PON2: variants seen among roughly 807,000 people sequenced by gnomAD.
PON2 encodes paraoxonase 2, also known as serum paraoxonase/arylesterase 2.
PON2 carries 27 observed loss-of-function variants against 36.6 expected under a neutral mutation model. That is an observed-to-expected ratio of 0.74 (90% CI 0.54 to 1.02). The LOEUF (loss-of-function observed/expected upper bound fraction) is 1.02, where lower values mean the gene tolerates loss of function less well. Ranked by LOEUF, PON2 falls within the 50% of genes least tolerant of loss-of-function variation. PON2 has a pLI of 0.00. For missense variants in PON2, 363 were observed against 421.1 expected (o/e 0.86, Z 1.21); for synonymous variants, 149 against 156.3 (o/e 0.95, Z 0.35).
chr7:95,409,070 C>T (rs1416044676), intron 6 of PON2, among the ~76,000 whole-genome samples: 2 of 151,896 alleles, frequency 1.3e-5, no homozygotes, highest in Non-Finnish European at 1.5e-5. Flanking sequence ...CCCAGCACTT[C>T]GGGAGGCTGA....
intron 3 of PON2, among the ~76,000 whole-genome samples, chr7:95,413,391 G>C (rs747978136): frequency 2.0e-5 from 3 of 152,170 alleles, no homozygotes; most frequent in Non-Finnish European, 4.4e-5. Context: ...ATTACTGATG[G>C]TTGTGGTGTT....
At chr7:95,420,140 G>A (rs1789159959) in intron 2 of PON2, among the ~76,000 whole-genome samples, 2 of 151,908 alleles carry the variant, frequency 1.3e-5, no homozygotes, top group Admixed American at 1.3e-4. Flanking sequence ...TCTCACAGTG[G>A]TTTTTTGTTT....
chr7:95,409,934 G>C lies in PON2; in HGVS notation c.662C>G (p.Ser221Ter). 6.2e-7 allele frequency: 1 copy of C among 1,613,674 alleles called. No individual in the cohort carries two copies. Among genetic ancestry groups the C allele is most frequent in the South Asian group, 1.1e-5 (1 of 91,058 alleles). Reference sequence around the variant, plus strand: ...AGGTGAAATATTGATCCCATTTGCTGAATCAAATCCTTCTGCTACCACTTT... The same window carrying C: ...AGGTGAAATATTGATCCCATTTGCTCAATCAAATCCTTCTGCTACCACTTT... The part of the protein sequence containing the change: ...EVKVVAEGFD[S>*]ANGINISPDD... The change falls in exon 6 of 9, where the codon TCA (serine) becomes TGA (stop). Residue 221 changes from serine (S) to a stop codon, truncating the protein, a stop_gained. Coordinates refer to ENST00000222572, the MANE Select transcript of PON2 (RefSeq NM_000305.3). LOFTEE classifies it high-confidence loss of function.
chr7:95,429,811 T>C (rs1042220602), intron 1 of PON2, among the ~76,000 whole-genome samples: 3 of 152,186 alleles, frequency 2.0e-5, no homozygotes, highest in Admixed American at 2.0e-4. Flanking sequence ...AAAAACCCTT[T>C]GGAATTCACC....
intron 2 of PON2, among the ~76,000 whole-genome samples, chr7:95,422,950 T>C (rs1197273140): frequency 6.6e-6 from 1 of 152,206 alleles, no homozygotes; most frequent in Non-Finnish European, 1.5e-5. Context: ...GGTTACATTG[T>C]GGCAGAATAG....
intron 2 of PON2, among the ~76,000 whole-genome samples, chr7:95,419,145 T>C (rs968376391): frequency 2.6e-5 from 4 of 152,200 alleles, no homozygotes; most frequent in African/African-American, 4.8e-5. Context: ...TTTAAAAAAT[T>C]ACAGTTTGTT....
intron 1 of PON2, among the ~76,000 whole-genome samples, chr7:95,431,540 C>T (rs548623981): frequency 1.3e-4 from 20 of 152,134 alleles, no homozygotes; most frequent in African/African-American, 4.6e-4. Flanking sequence ...CTGACTCAGC[C>T]TCCCAAGTAG....
intron 6 of PON2, chr7:95,409,532 A>C (rs188542677): frequency 6.6e-6 from 1 of 152,478 alleles, no homozygotes; most frequent in African/African-American, 2.4e-5. Context: ...TTTATTTAAA[A>C]GGAAATACCT....
intron 3 of PON2, chr7:95,412,959 T>C: frequency 5.3e-6 from 1 of 187,784 alleles, no homozygotes; most frequent in Non-Finnish European, 1.1e-5. Context: ...TGTCTATTCC[T>C]GTGCCAATAT....
intron 6 of PON2, chr7:95,409,401 T>A (rs1362686892): frequency 6.6e-6 from 1 of 151,842 alleles, no homozygotes; most frequent in Admixed American, 6.6e-5. Context: ...ATAAGAAGTA[T>A]AAAATATTTT....
At chr7:95,433,271 T>C (rs140825778) in intron 1 of PON2, among the ~76,000 whole-genome samples, 106 of 152,252 alleles carry the variant, frequency 7.0e-4, no homozygotes, top group African/African-American at 2.3e-3. Flanking sequence ...TTTATTTATT[T>C]ATTCATTTTG....
rs1343444923 is a variant in PON2, at chr7:95,434,865, G to A, written c.74+13C>T. ...GGGACCGCCGAGGAGGGGCGCGCGG[G>A]AGTCCCACCTACCTGAGTGCCAGAA... On this transcript the variant is annotated intron_variant, in intron 1 of 8. Coordinates refer to ENST00000222572, the MANE Select transcript of PON2 (RefSeq NM_000305.3). 18 of 1,538,718 alleles carry A rather than the reference G, an allele frequency of 1.2e-5. No homozygotes were observed. The highest frequency in any genetic ancestry group is 2.0e-5 in the Admixed American group (1 of 50,682).
intron 1 of PON2, among the ~76,000 whole-genome samples, chr7:95,428,561 T>G (rs1789366849): frequency 6.6e-6 from 1 of 152,224 alleles, no homozygotes; most frequent in Non-Finnish European, 1.5e-5. Context: ...TGTAGATAGC[T>G]CAAAGTGCCA....
chr7:95,433,241 TTTTG>T (rs996360899), intron 1 of PON2, among the ~76,000 whole-genome samples: 62 of 152,168 alleles, frequency 4.1e-4, no homozygotes, highest in African/African-American at 1.3e-3. Flanking sequence ...CCAACTCAAA[TTTTG>T]TTTTTTATTT....
At position 95,405,557 on chromosome 7, in the gene PON2, C is replaced by T. The variant is rs1276109225; in HGVS notation, c.907-69G>A. On this transcript the variant is annotated intron_variant, in intron 8 of 8. Coordinates refer to ENST00000222572, the MANE Select transcript of PON2 (RefSeq NM_000305.3). ...GCATGTCACTCAATCATCAATAAGC[C>T]CTGTTTTCCACAATGACACACTGAT... 2.7e-6 allele frequency: 4 copies of T among 1,461,100 alleles called. No homozygotes were observed. The East Asian group carries it at 9.1e-5, about 33-fold the overall frequency. The allele number at this position is 1,461,100 out of a possible 1,614,324, so 90.5% of individuals were successfully genotyped here.
At chr7:95,428,527 G>A (rs566523491) in intron 1 of PON2, among the ~76,000 whole-genome samples, 1 of 152,238 alleles carries the variant, frequency 6.6e-6, no homozygotes, top group East Asian at 1.9e-4. Context: ...AGAAATTATA[G>A]ATACTTTTCT....
chr7:95,416,536 A>G (rs1389044160), intron 2 of PON2: 15 of 547,222 alleles, frequency 2.7e-5, no homozygotes, highest in East Asian at 1.6e-4. Context: ...AGTTATCACC[A>G]CATTTCCAGC....
chr7:95,406,312 A>G (rs1809692535), intron 7 of PON2, 65 bp from the exon 8 acceptor site: 1 of 1,535,492 alleles, frequency 6.5e-7, no homozygotes, highest in African/African-American at 1.4e-5. Flanking sequence ...ATTTAGAGGT[A>G]ACCTTCCTGC....
chr7:95,408,812 A>G (rs1392302162), intron 6 of PON2, among the ~76,000 whole-genome samples: 2 of 152,238 alleles, frequency 1.3e-5, no homozygotes, highest in African/African-American at 4.8e-5. Context: ...GCATATAAAA[A>G]TAATGAGATA....
Sources: gnomAD v4.1 joint callset for allele counts (sites outside exome capture counted in the v4.1 genomes callset) on GRCh38, gnomAD v4.1.1 for gene constraint, MANE v1.5 for transcripts, NCBI Gene and HGNC (gene_info 2026-07-23, HGNC 2026-07-21) for gene names.